Variants in NEBL observed in about 807,000 individuals in gnomAD.
The protein encoded by NEBL is nebulette.
In NEBL, 122 loss-of-function variants were observed where a neutral mutation model predicts 140.2. The ratio of observed to expected loss-of-function variants is 0.87; its 90% confidence interval spans 0.75 to 1.01. The LOEUF is 1.01. Among genes scored for constraint, NEBL ranks in the 50% least tolerant of loss-of-function variants. The pLI, the probability that NEBL is intolerant of heterozygous loss-of-function variation, is 0.00. For missense variants in NEBL, 1,365 were observed against 1,231.3 expected, an observed-to-expected ratio of 1.11 and a Z score of -1.62; for synonymous variants, 436 against 398.9, an observed-to-expected ratio of 1.09 and a Z score of -1.11.
At chr10:21,167,472 T>C (rs1376152740) in intron 2 of NEBL, among the ~76,000 whole-genome samples, 1 of 152,226 alleles carries the variant, frequency 6.6e-6, no homozygotes, top group East Asian at 1.9e-4. Flanking sequence ...CAAGGTCATG[T>C]TAAACTATTG....
chr10:20,856,181 C>A (rs1468581717), intron 9 of NEBL, among the ~76,000 whole-genome samples: 1 of 152,160 alleles, frequency 6.6e-6, no homozygotes, highest in African/African-American at 2.4e-5. Context: ...AAAGCACCAC[C>A]TAAATGAAGA....
intron 1 of NEBL, among the ~76,000 whole-genome samples, chr10:21,288,820 G>GTGTA (rs1477748950): frequency 5.7e-5 from 2 of 35,024 alleles, no homozygotes; most frequent in African/African-American, 1.9e-4. Flanking sequence ...GTGTGTGTGT[G>GTGTA]TATATATATA....
intron 1 of NEBL, among the ~76,000 whole-genome samples, chr10:21,270,390 A>G (rs921411007): frequency 8.7e-5 from 13 of 149,360 alleles, no homozygotes; most frequent in African/African-American, 3.2e-4. Flanking sequence ...TTTTTGAGAC[A>G]GAGTCTCACT....
intron 1 of NEBL, among the ~76,000 whole-genome samples, chr10:21,287,187 A>G (rs1321128498): frequency 6.6e-6 from 1 of 152,182 alleles, no homozygotes; most frequent in African/African-American, 2.4e-5. Context: ...GAAAGAATCC[A>G]GGAAGTCATG....
At chr10:21,102,951 G>A (rs928979098) in intron 2 of NEBL, among the ~76,000 whole-genome samples, 3 of 151,858 alleles carry the variant, frequency 2.0e-5, no homozygotes, top group Non-Finnish European at 4.4e-5. Flanking sequence ...AAGCCCAGCA[G>A]GTATTAGCCT....
At chr10:21,214,689 G>A (rs1281741938) in intron 3 of NEBL, among the ~76,000 whole-genome samples, 1 of 152,072 alleles carries the variant, frequency 6.6e-6, no homozygotes, top group African/African-American at 2.4e-5. Flanking sequence ...GGGTTTTTCA[G>A]GTGCTTCTTT....
At chr10:21,180,755 C>G (rs1356440580) in intron 3 of NEBL, among the ~76,000 whole-genome samples, 1 of 152,068 alleles carries the variant, frequency 6.6e-6, no homozygotes, top group African/African-American at 2.4e-5. Flanking sequence ...ATCCCCACAC[C>G]CAGACCCAAT....
intron 2 of NEBL, among the ~76,000 whole-genome samples, chr10:21,121,312 T>C (rs7909462): frequency 0.33 from 49,413 of 152,006 alleles, 8,114 homozygotes; most frequent in East Asian, 0.47. Flanking sequence ...CACTTTAATG[T>C]CACGGTCATG....
At chr10:21,073,936 G>A (rs191816010) in intron 2 of NEBL, among the ~76,000 whole-genome samples, 81 of 152,034 alleles carry the variant, frequency 5.3e-4, no homozygotes, top group African/African-American at 1.7e-3. Flanking sequence ...TTAGCCGGAC[G>A]TGGTGGCGGG....
At chr10:21,189,787 C>T (rs1841543938) in intron 3 of NEBL, among the ~76,000 whole-genome samples, 2 of 152,122 alleles carry the variant, frequency 1.3e-5, no homozygotes, top group Admixed American at 6.5e-5. Flanking sequence ...TTGTTTTAAG[C>T]AACCACATTT....
chr10:20,932,898 T>C (rs533753416), intron 4 of NEBL, among the ~76,000 whole-genome samples: 1 of 152,356 alleles, frequency 6.6e-6, no homozygotes, highest in South Asian at 2.1e-4. Context: ...TCATCACAGA[T>C]TCAGACAGAT....
At chr10:20,908,076 G>C (rs562625965) in intron 4 of NEBL, among the ~76,000 whole-genome samples, 1 of 152,238 alleles carries the variant, frequency 6.6e-6, no homozygotes, top group South Asian at 2.1e-4. Flanking sequence ...CCGAGAAAAG[G>C]TACCAAAGGA....
chr10:21,285,961 A>T (rs898046985), intron 1 of NEBL, among the ~76,000 whole-genome samples: 1 of 152,072 alleles, frequency 6.6e-6, no homozygotes, highest in African/African-American at 2.4e-5. Flanking sequence ...TCTCGCCCTG[A>T]CCCATTCCTC....
At chr10:20,901,736 T>C (rs1241628914), upstream of NEBL, among the ~76,000 whole-genome samples, 1 of 152,228 alleles carries the variant, frequency 6.6e-6, no homozygotes, top group Non-Finnish European at 1.5e-5. Flanking sequence ...ACACTCATTT[T>C]TTGTTGCCTG....
At chr10:21,289,009 G>A (rs1843106809) in intron 1 of NEBL, among the ~76,000 whole-genome samples, 1 of 149,684 alleles carries the variant, frequency 6.7e-6, no homozygotes, top group Non-Finnish European at 1.5e-5. Flanking sequence ...AACCAAGCCT[G>A]GCTAATTTTT....
intron 3 of NEBL, among the ~76,000 whole-genome samples, chr10:21,013,332 C>A (rs751548533): frequency 6.6e-6 from 1 of 152,160 alleles, no homozygotes; most frequent in Non-Finnish European, 1.5e-5. Context: ...TCCCAATGAA[C>A]TTTAACCATT....
intron 2 of NEBL, among the ~76,000 whole-genome samples, chr10:21,158,637 C>T (rs1840430593): frequency 6.6e-6 from 1 of 152,152 alleles, no homozygotes; most frequent in Non-Finnish European, 1.5e-5. Flanking sequence ...GTTCCAGGAC[C>T]ACATCTACAG....
intron 2 of NEBL, among the ~76,000 whole-genome samples, chr10:21,047,196 C>T (rs1834559266): frequency 1.3e-5 from 2 of 152,184 alleles, no homozygotes; most frequent in African/African-American, 4.8e-5. Context: ...ACTCAATCAG[C>T]TTGTTGATTT....
chr10:21,001,753 A>G (rs147669794), intron 3 of NEBL, among the ~76,000 whole-genome samples: 1,936 of 152,270 alleles, frequency 0.013, 46 homozygotes, highest in African/African-American at 0.044. Context: ...GCAAAAATTC[A>G]AAAACCTGCA....
Sources: gnomAD v4.1 joint callset for allele counts (sites outside exome capture counted in the v4.1 genomes callset) on GRCh38, gnomAD v4.1.1 for gene constraint, MANE v1.5 for transcripts, NCBI Gene and HGNC (gene_info 2026-07-23, HGNC 2026-07-21) for gene names.